Variants in MAP3K4 observed in about 807,000 individuals in gnomAD.
The protein encoded by MAP3K4 is mitogen-activated protein kinase kinase kinase 4.
A neutral mutation model predicts 185.6 loss-of-function variants in MAP3K4; 67 were observed. The observed-to-expected ratio is 0.36, with a 90% CI of 0.30 to 0.44. MAP3K4 has a LOEUF of 0.44. Among genes scored for constraint, MAP3K4 ranks in the 20% least tolerant of loss-of-function variants. The probability of loss-of-function intolerance (pLI) is 1.00; values close to 1 mark genes in which losing one functional copy is unlikely to be tolerated. For missense variants in MAP3K4, 1,551 were observed against 1,995.1 expected (o/e 0.78, Z 4.24); for synonymous variants, 702 against 710.4 (o/e 0.99, Z 0.19).
At chr6:161,036,954 A>G (rs1295045850) in intron 2 of MAP3K4, among the ~76,000 whole-genome samples, 1 of 152,250 alleles carries the variant, frequency 6.6e-6, no homozygotes, top group African/African-American at 2.4e-5. Context: ...TTTCAGATAA[A>G]GGACTTTAAA....
In MAP3K4 at chr6:161,087,549, CA is replaced by C. The variant is rs1481043978; in HGVS notation, c.2557-138del. On this transcript the variant is annotated intron_variant, in intron 9 of 26. Transcript: ENST00000392142. The surrounding 1 kb of genome is among the most constrained non-coding windows in gnomAD (Gnocchi z 4.9). ...CAGTCACACTGAAGCCGGCTACCTG[CA>C]GTTCCCTCACTGCTCCAATTCATGC... 5 of 798,914 alleles carry C rather than the reference CA, an allele frequency of 6.3e-6. No homozygotes were observed. In the African/African-American group the frequency reaches 8.6e-5, roughly 14 times the overall value. The allele number at this position is 798,914 out of a possible 1,614,324, so 49.5% of individuals were successfully genotyped here. A position where few individuals can be genotyped will look rare whatever the true frequency, so the allele number is the denominator to read the frequency against.
Position 161,089,478 on chromosome 6 carries a change from C to T in MAP3K4, c.2973+7C>T. On this transcript the variant is annotated splice_region_variant and intron_variant, in intron 11 of 26. Transcript: ENST00000392142. ...AGCTTTGCAGCAGCTGAAGGTATTA[C>T]ACTGTCCTCTACATTAGCTGAGATT... is the stretch of plus-strand genomic sequence containing the variant. The T allele has an allele frequency of 6.2e-7, 1 of 1,613,968 alleles. No individual in the cohort carries two copies. The highest frequency in any genetic ancestry group is 8.5e-7 in the Non-Finnish European group (1 of 1,179,912).
At chr6:161,102,124 A>G (rs2114896544) in intron 18 of MAP3K4, 132 bp downstream of exon 18, 1 of 667,264 alleles carries the variant, frequency 1.5e-6, no homozygotes, top group Admixed American at 2.9e-5. Flanking sequence ...TAAAGGAATG[A>G]AGAGTAAGAA....
rs1398392654 is a variant in MAP3K4 at position 161,101,923 on chromosome 6, G to A, written c.3706G>A (p.Ala1236Thr). 1 of 1,613,958 alleles carries A rather than the reference G, an allele frequency of 6.2e-7. No individual in the cohort carries two copies. Among genetic ancestry groups the A allele is most frequent in the Non-Finnish European group, 8.5e-7 (1 of 1,179,992 alleles). ...GSSVPENDRLASIAAELQFRS... is the reference protein window; with the variant it reads ...GSSVPENDRLTSIAAELQFRS... ...CAGCGTTCCTGAAAATGATCGATTG[G>A]CTTCCATAGCTGCTGAATTGCAGTT... Residue 1236 changes from alanine to threonine, a missense_variant, in exon 18 of 27, where the codon GCT (alanine) becomes ACT (threonine). This residue lies in a region of MAP3K4 where 272 missense variants were observed against 301.2 expected (regional missense o/e 0.90). Transcript: ENST00000392142. The surrounding 1 kb of genome is among the most constrained non-coding windows in gnomAD (Gnocchi z 5.1).
intron 5 of MAP3K4, among the ~76,000 whole-genome samples, chr6:161,079,832 C>A (rs1299109486): frequency 6.6e-6 from 1 of 152,192 alleles, no homozygotes; most frequent in African/African-American, 2.4e-5. Flanking sequence ...GTGAACGATA[C>A]AGCAGAAGAC....
chr6:161,106,500 G>A lies in MAP3K4; in HGVS notation c.3857-14G>A. The stretch of plus-strand genomic sequence containing the variant: ...CAGTGATTGGGACTAATGAGGTTTT[G>A]GTTCTCTCTGCAGATACTGCTTCTA... On this transcript the variant is annotated splice_polypyrimidine_tract_variant and intron_variant, in intron 19 of 26. Transcript: ENST00000392142. The surrounding 1 kb of genome is among the most constrained non-coding windows in gnomAD (Gnocchi z 4.9). 6.3e-7 allele frequency: 1 copy of A among 1,585,740 alleles called. No homozygotes were observed. The highest frequency in any genetic ancestry group is 1.8e-5 in the Admixed American group (1 of 54,460).
rs1778514520 is a variant in MAP3K4 at position 161,114,718 on chromosome 6, A to C, written c.4627-405A>C. Among the ~76,000 whole-genome samples, 1 of 152,208 alleles carries C rather than the reference A, an allele frequency of 6.6e-6. No individual in the cohort carries two copies. Among genetic ancestry groups the C allele is most frequent in the African/African-American group, 2.4e-5 (1 of 41,430 alleles). ...TTATTTTTCAATAAGGTAGCATATT[A>C]ACCATCCCTATAAGAGAATTGGGTT... On this transcript the variant is annotated intron_variant, in intron 25 of 26. Transcript: ENST00000392142. This position sits in a 1 kb window ranked among gnomAD's most constrained non-coding sequence, Gnocchi z 4.3.
intron 15 of MAP3K4, among the ~76,000 whole-genome samples, chr6:161,094,827 C>T (rs1221979243): frequency 6.6e-6 from 1 of 152,142 alleles, no homozygotes; most frequent in Non-Finnish European, 1.5e-5. Context: ...CAGGTTATTG[C>T]TTAAGCTGTG....
intron 7 of MAP3K4, among the ~76,000 whole-genome samples, chr6:161,085,942 G>A (rs1785689374): frequency 6.6e-6 from 1 of 152,098 alleles, no homozygotes. Context: ...TAGCTATGAT[G>A]GGAGTATTTA....
At chr6:161,045,011 A>G (rs1783657990) in intron 2 of MAP3K4, among the ~76,000 whole-genome samples, 1 of 152,170 alleles carries the variant, frequency 6.6e-6, no homozygotes, top group South Asian at 2.1e-4. Flanking sequence ...GGGGGCAAAT[A>G]TACAAACCAA....
intron 19 of MAP3K4, among the ~76,000 whole-genome samples, chr6:161,104,630 A>G (rs4709492): frequency 0.91 from 136,853 of 150,484 alleles, 62,409 homozygotes; most frequent in East Asian, 0.99. Context: ...AGAATCTCTT[A>G]AACCCAGGAG....
At chr6:160,999,182 G>A (rs1000709933) in intron 1 of MAP3K4, among the ~76,000 whole-genome samples, 1 of 152,194 alleles carries the variant, frequency 6.6e-6, no homozygotes, top group Non-Finnish European at 1.5e-5. Flanking sequence ...GCTTTTTTGT[G>A]TGTGAGCAGG....
rs1380613229 is a variant in MAP3K4 at position 161,087,266 on chromosome 6, G to A, written c.2557-422G>A. Among the ~76,000 whole-genome samples, 1 of 152,226 alleles carries A rather than the reference G, an allele frequency of 6.6e-6. No individual in the cohort carries two copies. Among genetic ancestry groups the A allele is most frequent in the Admixed American group, 6.5e-5 (1 of 15,284 alleles). ...AACTGATCTCAAGGAGCCTTCTTGT[G>A]ATGAACCCCTGGCTCCCTGCCCTGG... On this transcript the variant is annotated intron_variant, in intron 9 of 26. Coordinates refer to ENST00000392142, the MANE Select transcript of MAP3K4 (RefSeq NM_005922.4). The surrounding 1 kb of genome is among the most constrained non-coding windows in gnomAD (Gnocchi z 4.9).
rs534120298 is a variant in MAP3K4, at chr6:161,111,822, T to A, written c.4397-14T>A. The A allele has an allele frequency of 1.0e-4, 154 of 1,498,372 alleles. No individual in the cohort carries two copies. In the South Asian group the frequency reaches 1.7e-3, roughly 16 times the overall value. The allele number at this position is 1,498,372 out of a possible 1,614,324, so 92.8% of individuals were successfully genotyped here. A position where few individuals can be genotyped will look rare whatever the true frequency, so the allele number is the denominator to read the frequency against. ...TTTCAGAGGCTGCGTAACAACTACT[T>A]CTTTTCTTTTTAGGTGCCAATATCT... On this transcript the variant is annotated splice_polypyrimidine_tract_variant and intron_variant, in intron 23 of 26. Transcript: ENST00000392142.
intron 11 of MAP3K4, among the ~76,000 whole-genome samples, chr6:161,090,578 G>C (rs533797877): frequency 2.3e-5 from 3 of 128,436 alleles, no homozygotes; most frequent in African/African-American, 8.5e-5. Flanking sequence ...CCTCTTGGAT[G>C]TGGACGTTTG....
In MAP3K4 at chr6:161,093,701, T is replaced by A. The variant is rs1026305631; in HGVS notation, c.3349-72T>A. 1.4e-5 allele frequency: 12 copies of A among 846,364 alleles called. No homozygotes were observed. Among genetic ancestry groups the A allele is most frequent in the Admixed American group, 4.7e-5 (2 of 42,200 alleles). The allele number at this position is 846,364 out of a possible 1,614,324, so 52.4% of individuals were successfully genotyped here. On this transcript the variant is annotated intron_variant, in intron 14 of 26. Coordinates refer to ENST00000392142, the MANE Select transcript of MAP3K4 (RefSeq NM_005922.4). This position sits in a 1 kb window ranked among gnomAD's most constrained non-coding sequence, Gnocchi z 5.2. The stretch of plus-strand genomic sequence containing the variant: ...TTTTAAAAATATACTGAAAATTAAT[T>A]TGTGCTACTTACATAATTAAGAAAG...
rs943144764 is a variant in MAP3K4 at position 161,110,872 on chromosome 6, A to G, written c.4396+958A>G. ...TCTGTACCAGGCCGTAGCACTGCCT[A>G]TTTCTAGTCGTTCTGCCACAGACAC... On this transcript the variant is annotated intron_variant, in intron 23 of 26. Transcript: ENST00000392142. This position sits in a 1 kb window ranked among gnomAD's most constrained non-coding sequence, Gnocchi z 4.8. Among the ~76,000 whole-genome samples, 13 of 152,044 alleles carry G rather than the reference A, an allele frequency of 8.6e-5. No individual in the cohort carries two copies. The highest frequency in any genetic ancestry group is 2.9e-4 in the African/African-American group (12 of 41,382).
In MAP3K4 at chr6:161,086,284, G is replaced by A. The variant is rs1284387769; in HGVS notation, c.2373-95G>A. The A allele has an allele frequency of 1.5e-6, 1 of 657,536 alleles. No homozygotes were observed. The highest frequency in any genetic ancestry group is 1.8e-5 in the African/African-American group (1 of 55,404). 40.7% of individuals were successfully genotyped at this position (657,536 alleles called of 1,614,324 possible). ...ATCCTCAGTCTTTATTTATTACTGT[G>A]ATTTGGAATTTGCTTCATCTTTATT... On this transcript the variant is annotated intron_variant, in intron 7 of 26. Coordinates refer to ENST00000392142, the MANE Select transcript of MAP3K4 (RefSeq NM_005922.4). This position sits in a 1 kb window ranked among gnomAD's most constrained non-coding sequence, Gnocchi z 4.8.
rs1037709808 is a variant in MAP3K4, at chr6:160,991,861, T to TCGGGGCTC, written c.-67_-60dup. ...GGCGGAGTCGAGTCACTCCCGCACT[T>TCGGGGCTC]CGGGGCTCCGGTGCCCCGCGCCAGG... is the stretch of plus-strand genomic sequence containing the variant. On this transcript the variant is annotated 5_prime_UTR_variant, in exon 1 of 27. Transcript: ENST00000392142. This position sits in a 1 kb window ranked among gnomAD's most constrained non-coding sequence, Gnocchi z 5.7. 159 of 1,418,342 alleles carry TCGGGGCTC rather than the reference T, an allele frequency of 1.1e-4. No homozygotes were observed. Among genetic ancestry groups the TCGGGGCTC allele is most frequent in the African/African-American group, 3.0e-5 (2 of 66,494 alleles). The allele number at this position is 1,418,342 out of a possible 1,614,324, so 87.9% of individuals were successfully genotyped here. A position where few individuals can be genotyped will look rare whatever the true frequency, so the allele number is the denominator to read the frequency against.
Sources: gnomAD v4.1 joint callset for allele counts (sites outside exome capture counted in the v4.1 genomes callset) on GRCh38, gnomAD v4.1.1 for gene constraint, gnomAD v4.1.1 regional missense constraint, Gnocchi (gnomAD v3.1) non-coding constraint, MANE v1.5 for transcripts, NCBI Gene and HGNC (gene_info 2026-07-23, HGNC 2026-07-21) for gene names.